Variants in ZNF655 observed in about 807,000 individuals in gnomAD.
ZNF655 encodes zinc finger protein 655.
ZNF655 carries 3 observed loss-of-function variants against 6.6 expected under a neutral mutation model. The observed-to-expected ratio is 0.46, with a 90% CI of 0.21 to 1.18. ZNF655 has a LOEUF of 1.18. Ranked by LOEUF, ZNF655 falls within the 50% of genes most tolerant of loss-of-function variation. The pLI, the probability that ZNF655 is intolerant of heterozygous loss-of-function variation, is 0.24. For synonymous variants in ZNF655, 178 were observed against 195.0 expected (o/e 0.91, Z 0.73); for missense variants, 526 against 572.3 (o/e 0.92, Z 0.83).
chr7:99,566,663 T>C (rs946305794), intron 2 of ZNF655, among the ~76,000 whole-genome samples: 1 of 152,178 alleles, frequency 6.6e-6, no homozygotes, highest in African/African-American at 2.4e-5. Context: ...CAGGCTCAGG[T>C]GATCCTCCTA....
chr7:99,565,917 T>C (rs989912154), intron 2 of ZNF655, among the ~76,000 whole-genome samples: 2 of 152,166 alleles, frequency 1.3e-5, no homozygotes, highest in Non-Finnish European at 2.9e-5. Context: ...CACAGCTATT[T>C]AGTATTTATT....
At chr7:99,571,137 C>A (rs1023061315) in intron 2 of ZNF655, 9 of 872,490 alleles carry the variant, frequency 1.0e-5, no homozygotes, top group Non-Finnish European at 1.4e-5. Flanking sequence ...ATAAATGCTA[C>A]ACTCCTAATG....
chr7:99,562,289 C>T (rs1272904104), intron 2 of ZNF655: 4 of 1,568,234 alleles, frequency 2.6e-6, no homozygotes, highest in African/African-American at 1.4e-5. Flanking sequence ...CAGTGGATAC[C>T]CTCTCTATGA....
intron 2 of ZNF655, chr7:99,564,281 A>G (rs931321638): frequency 7.6e-7 from 1 of 1,315,674 alleles, no homozygotes; most frequent in Non-Finnish European, 9.6e-7. Context: ...TCAGCTCTTC[A>G]GTTATGGTCT....
At chr7:99,568,996 G>C (rs1803839710) in intron 2 of ZNF655, among the ~76,000 whole-genome samples, 1 of 152,048 alleles carries the variant, frequency 6.6e-6, no homozygotes, top group Non-Finnish European at 1.5e-5. Context: ...TGTTGCCCAG[G>C]CTGGTCTCAG....
intron 2 of ZNF655, 163 bp downstream of exon 2, chr7:99,560,858 T>G (rs1245519328): frequency 1.4e-6 from 1 of 705,648 alleles, no homozygotes; most frequent in Non-Finnish European, 2.2e-6. Context: ...TCAGTCCTAG[T>G]CTGAGCCCCT....
At chr7:99,566,491 A>C (rs1803642729) in intron 2 of ZNF655, among the ~76,000 whole-genome samples, 1 of 152,236 alleles carries the variant, frequency 6.6e-6, no homozygotes, top group Non-Finnish European at 1.5e-5. Flanking sequence ...CAGGAAGAAA[A>C]GCGTGAAGCT....
intron 2 of ZNF655, among the ~76,000 whole-genome samples, chr7:99,565,137 A>C (rs1480313534): frequency 2.0e-5 from 3 of 152,054 alleles, no homozygotes; most frequent in Non-Finnish European, 4.4e-5. Flanking sequence ...GGTTAAGTTT[A>C]TACATTTATT....
In ZNF655 at chr7:99,574,194, C is replaced by T. The variant is rs780032996; in HGVS notation, c.*610C>T. ...TTGATGTAACGCAAATGGAAAAACTCGACACCACATTTCAGGCTTTACCCA... is the reference window on the plus strand; with the variant it reads ...TTGATGTAACGCAAATGGAAAAACTTGACACCACATTTCAGGCTTTACCCA... On this transcript the variant is annotated 3_prime_UTR_variant, in exon 3 of 3. Coordinates refer to ENST00000252713, the MANE Select transcript of ZNF655 (RefSeq NM_138494.3). 11 of 152,180 alleles carry T rather than the reference C, an allele frequency of 7.2e-5. No individual in the cohort carries two copies. Among genetic ancestry groups the T allele is most frequent in the Non-Finnish European group, 1.0e-4 (7 of 68,046 alleles). The allele number at this position is 152,180 out of a possible 1,614,324, so 9.4% of individuals were successfully genotyped here.
Position 99,573,502 on chromosome 7 carries a change from A to G in ZNF655, c.1394A>G (p.Asp465Gly), listed in dbSNP as rs1288851079. 1 of 1,612,468 alleles carries G rather than the reference A, an allele frequency of 6.2e-7. No homozygotes were observed. The highest frequency in any genetic ancestry group is 8.5e-7 in the Non-Finnish European group (1 of 1,180,010). Residue 465 changes from aspartate to glycine, a missense_variant, in exon 3 of 3, where the codon GAT becomes GGT. Transcript: ENST00000252713. ...GTCCTCACCAGACAGAAAGCCTTTG[A>G]TTGTGATGTATGGGAAAAGAACTCC... ...QEVLTRQKAF[D>G]CDVWEKNSSQ...
chr7:99,567,835 C>T lies in ZNF655; in HGVS notation c.137-4410C>T, dbSNP rs530985289. Among the ~76,000 whole-genome samples the T allele has an allele frequency of 5.9e-5, 9 of 151,684 alleles. No individual in the cohort carries two copies. The South Asian group carries it at 1.3e-3, about 21-fold the overall frequency. On this transcript the variant is annotated intron_variant, in intron 2 of 2. Transcript: ENST00000252713. Reference sequence around the variant, plus strand: ...CAGCACTTTGGGAGGGTGAGGTGGGCGGATCACAAGGTCAGGAGTTCGAGA... The same window carrying T: ...CAGCACTTTGGGAGGGTGAGGTGGGTGGATCACAAGGTCAGGAGTTCGAGA...
intron 2 of ZNF655, among the ~76,000 whole-genome samples, chr7:99,568,025 C>T (rs959148548): frequency 6.7e-6 from 1 of 148,296 alleles, no homozygotes; most frequent in African/African-American, 2.5e-5. Flanking sequence ...TGCCATTGCA[C>T]TCCAGCCTGG....
intron 2 of ZNF655, chr7:99,571,170 CTT>C (rs983410113): frequency 1.7e-6 from 2 of 1,153,374 alleles, no homozygotes; most frequent in East Asian, 5.9e-5. Context: ...TCATATTACT[CTT>C]TGTTTTCTTA....
chr7:99,564,684 T>A, intron 2 of ZNF655: 2 of 985,144 alleles, frequency 2.0e-6, no homozygotes, highest in Non-Finnish European at 2.4e-6. Flanking sequence ...TATCTAATAA[T>A]TACAGAGTTT....
intron 2 of ZNF655, chr7:99,570,289 A>G (rs1803942532): frequency 1.3e-5 from 2 of 152,216 alleles, no homozygotes; most frequent in South Asian, 4.1e-4. Flanking sequence ...TTTACTTTTT[A>G]AACTTCTGAA....
rs1584244250 is a variant in ZNF655, at chr7:99,562,177, T to C, written c.136+1482T>C. ...TGCCATGAGCAAACTCTGTTTTCTC[T>C]TTGTCCATGGTTGTGTGATGGGTGC... On this transcript the variant is annotated intron_variant, in intron 2 of 2. Transcript: ENST00000252713. The C allele has an allele frequency of 1.2e-5, 10 of 804,236 alleles. No homozygotes were observed. The East Asian group carries it at 2.6e-4, about 21-fold the overall frequency. The allele number at this position is 804,236 out of a possible 1,614,324, so 49.8% of individuals were successfully genotyped here. A position where few individuals can be genotyped will look rare whatever the true frequency, so the allele number is the denominator to read the frequency against.
At chr7:99,559,805 T>TG (rs1482174326) in intron 1 of ZNF655, among the ~76,000 whole-genome samples, 1 of 150,474 alleles carries the variant, frequency 6.6e-6, no homozygotes, top group African/African-American at 2.4e-5. Context: ...TTTTTTTTTT[T>TG]TTTGTAGGGA....
chr7:99,569,596 A>G (rs1040223762), intron 2 of ZNF655, among the ~76,000 whole-genome samples: 5 of 152,192 alleles, frequency 3.3e-5, no homozygotes, highest in Admixed American at 3.3e-4. Flanking sequence ...TAGTATTCCC[A>G]TCTGTAAAAT....
intron 2 of ZNF655, chr7:99,562,007 A>G: frequency 6.6e-7 from 1 of 1,505,176 alleles, no homozygotes; most frequent in Non-Finnish European, 8.9e-7. Context: ...TTCCTCAGGG[A>G]CTATTGCTAC....
Sources: allele counts gnomAD v4.1 joint callset (sites outside exome capture counted in the v4.1 genomes callset), GRCh38; gene constraint gnomAD v4.1.1; transcripts MANE v1.5; gene names NCBI Gene and HGNC (gene_info 2026-07-23, HGNC 2026-07-21).